Variants in DDX60L observed in about 807,000 individuals in gnomAD.
DDX60L encodes the protein probable ATP-dependent RNA helicase DDX60-like.
In DDX60L, 191 loss-of-function variants were observed where a neutral mutation model predicts 211.6. The ratio of observed to expected loss-of-function variants is 0.90; its 90% CI spans 0.80 to 1.02. The LOEUF (loss-of-function observed/expected upper bound fraction) is 1.02, where lower values mean the gene tolerates loss of function less well. Ranked by LOEUF, DDX60L falls within the 50% of genes least tolerant of loss-of-function variation. The probability of loss-of-function intolerance (pLI) is 0.00; values close to 1 mark genes in which losing one functional copy is unlikely to be tolerated. For missense variants in DDX60L, 2,007 were observed against 1,984.1 expected, an observed-to-expected ratio of 1.01 and a Z score of -0.22; for synonymous variants, 706 against 694.1, an observed-to-expected ratio of 1.02 and a Z score of -0.27.
chr4:168,461,698 C>A lies in DDX60L; in HGVS notation c.606+1G>T, dbSNP rs201671584. On this transcript the variant is annotated splice_donor_variant, in intron 5 of 37. Coordinates refer to ENST00000682922, the MANE Select transcript of DDX60L (RefSeq NM_001012967.3). LOFTEE classifies it high-confidence loss of function. ...AAAAATGAGTTATTAATGTCAATTA[C>A]CTCCTTGGAAAAAGTTTGGTTTCTG... 215 of 1,518,172 alleles carry A rather than the reference C, an allele frequency of 1.4e-4. No homozygotes were observed. In the African/African-American group the frequency reaches 2.0e-3, roughly 14 times the overall value. The allele number at this position is 1,518,172 out of a possible 1,614,324, so 94.0% of individuals were successfully genotyped here. A position where few individuals can be genotyped will look rare whatever the true frequency, so the allele number is the denominator to read the frequency against.
At chr4:168,394,708 T>C in intron 27 of DDX60L, 91 bp from the exon 28 acceptor site, 1 of 1,218,060 alleles carries the variant, frequency 8.2e-7, no homozygotes, top group Non-Finnish European at 1.1e-6. Context: ...CACAAGCAAA[T>C]CACTTACATC....
At chr4:168,362,071 C>T (rs1335707232) in intron 36 of DDX60L, among the ~76,000 whole-genome samples, 2 of 152,246 alleles carry the variant, frequency 1.3e-5, no homozygotes, top group Non-Finnish European at 1.5e-5. Flanking sequence ...CAGGCCACTG[C>T]ACCAGTGCAT....
chr4:168,414,138 C>G (rs1259312468), intron 22 of DDX60L, among the ~76,000 whole-genome samples: 1 of 151,966 alleles, frequency 6.6e-6, no homozygotes, highest in Non-Finnish European at 1.5e-5. Flanking sequence ...GTGAAAATAT[C>G]CTTCAGACAT....
intron 25 of DDX60L, among the ~76,000 whole-genome samples, chr4:168,402,646 A>T (rs1747034812): frequency 6.6e-6 from 1 of 152,188 alleles, no homozygotes; most frequent in African/African-American, 2.4e-5. Context: ...ATTTGACCCA[A>T]AGTATGCGCT....
At position 168,361,335 on chromosome 4, in the gene DDX60L, G is replaced by T. The variant is rs570084097; in HGVS notation, c.4929-124C>A. ...ATCTGCCAAATGCACTCCCAGTTAA[G>T]CATTCTATTGTATTAATCATAATGA... On this transcript the variant is annotated intron_variant, in intron 36 of 37. Transcript: ENST00000682922. The T allele has an allele frequency of 7.8e-5, 48 of 617,254 alleles. No homozygotes were observed. In the African/African-American group the frequency reaches 8.1e-4, roughly 10 times the overall value. 38.2% of individuals were successfully genotyped at this position (617,254 alleles called of 1,614,324 possible). A position where few individuals can be genotyped will look rare whatever the true frequency, so the allele number is the denominator to read the frequency against.
chr4:168,451,702 C>T (rs1755828936), intron 8 of DDX60L, among the ~76,000 whole-genome samples: 1 of 152,196 alleles, frequency 6.6e-6, no homozygotes, highest in Non-Finnish European at 1.5e-5. Flanking sequence ...CCTTCAATCA[C>T]TTCTCATTAT....
chr4:168,422,599 C>A lies in DDX60L; in HGVS notation c.2169G>T (p.Met723Ile). ...IGPARFQLQYMGHYLIRDERK... is the reference protein window; with the variant it reads ...IGPARFQLQYIGHYLIRDERK... Reference sequence around the variant, plus strand: ...TTTCATCTCTTATCAAGTAATGGCCCATGTATTGCAGTTGAAACCGAGCTG... The same window carrying A: ...TTTCATCTCTTATCAAGTAATGGCCAATGTATTGCAGTTGAAACCGAGCTG... Residue 723 changes from methionine to isoleucine, a missense_variant, in exon 16 of 38, where the codon ATG becomes ATT. Transcript: ENST00000682922. 6.2e-7 allele frequency: 1 copy of A among 1,613,514 alleles called. No homozygotes were observed. The highest frequency in any genetic ancestry group is 8.5e-7 in the Non-Finnish European group (1 of 1,179,682).
chr4:168,427,248 C>G lies in DDX60L; in HGVS notation c.1752G>C (p.Gln584His). ...TAGAAAACAGCAGATCATCGTTTTG[C>G]TGAGCTTTGTTCTGATCTTCTTTGA... ...SFLKEDQNKA[Q>H]QNDDLLFSIE... The change falls in exon 14 of 38, where the codon CAG becomes CAC. Residue 584 changes from glutamine (Q) to histidine (H), a missense_variant. Physicochemically the swap from Gln to His is conservative, Grantham distance 24. Transcript: ENST00000682922. 1 of 1,613,794 alleles carries G rather than the reference C, an allele frequency of 6.2e-7. No homozygotes were observed. The highest frequency in any genetic ancestry group is 2.2e-5 in the East Asian group (1 of 44,846).
Position 168,457,952 on chromosome 4 carries a change from T to C in DDX60L, c.663A>G (p.Ile221Met), listed in dbSNP as rs1756817117. ...AATGAGTTGCTAATACTAAAACCCT[T>C]ATTTCTTCCAAGTGTTGTATGAGGC... is the stretch of plus-strand genomic sequence containing the variant. ...YKSLIQHLEE[I>M]RVLVLATHFE... Residue 221 changes from isoleucine (I) to methionine (M), a missense_variant, in exon 6 of 38, where the codon ATA (isoleucine) becomes ATG (methionine). By Grantham distance (10) the Ile-to-Met change is conservative. Transcript: ENST00000682922. 1 of 1,573,562 alleles carries C rather than the reference T, an allele frequency of 6.4e-7. No homozygotes were observed. Among genetic ancestry groups the C allele is most frequent in the Non-Finnish European group, 8.6e-7 (1 of 1,157,294 alleles).
intron 13 of DDX60L, 103 bp downstream of exon 13, chr4:168,430,374 CA>C: frequency 1.0e-6 from 1 of 999,632 alleles, no homozygotes; most frequent in Non-Finnish European, 1.4e-6. Context: ...AGTTAGCAAA[CA>C]TGAGAAAGAA....
At chr4:168,426,137 C>T (rs913142749) in intron 14 of DDX60L, among the ~76,000 whole-genome samples, 4 of 152,168 alleles carry the variant, frequency 2.6e-5, no homozygotes, top group African/African-American at 9.7e-5. Context: ...GCATCTATTC[C>T]CCCATAGCTA....
At position 168,472,678 on chromosome 4, in the gene DDX60L, T is replaced by C. The variant is rs772895578; in HGVS notation, c.4+18A>G. The C allele has an allele frequency of 1.9e-6, 3 of 1,613,308 alleles. No individual in the cohort carries two copies. The highest frequency in any genetic ancestry group is 2.5e-6 in the Non-Finnish European group (3 of 1,179,532). On this transcript the variant is annotated intron_variant, in intron 2 of 37. Coordinates refer to ENST00000682922, the MANE Select transcript of DDX60L (RefSeq NM_001012967.3). Reference sequence around the variant, plus strand: ...ATTGTTGCTTTATAGGCTACAAATATCAAAGATTGAGAATTACCCATCGTT... The same window carrying C: ...ATTGTTGCTTTATAGGCTACAAATACCAAAGATTGAGAATTACCCATCGTT...
chr4:168,373,013 A>T (rs949294682), intron 35 of DDX60L, among the ~76,000 whole-genome samples: 3 of 152,184 alleles, frequency 2.0e-5, no homozygotes, highest in Admixed American at 1.3e-4. Context: ...TTTGGTTAAC[A>T]AAATTTTTAG....
intron 4 of DDX60L, among the ~76,000 whole-genome samples, chr4:168,465,197 A>G (rs1391664762): frequency 6.6e-6 from 1 of 151,722 alleles, no homozygotes; most frequent in Non-Finnish European, 1.5e-5. Flanking sequence ...TAATGGGGTG[A>G]GATGCTATCT....
At chr4:168,478,960 G>A (rs1381414065) in intron 1 of DDX60L, among the ~76,000 whole-genome samples, 3 of 152,166 alleles carry the variant, frequency 2.0e-5, no homozygotes, top group African/African-American at 7.2e-5. Context: ...AGCATACCAT[G>A]GGGTATCATA....
intron 4 of DDX60L, chr4:168,469,102 C>G (rs1758396797): frequency 6.6e-6 from 1 of 152,110 alleles, no homozygotes; most frequent in African/African-American, 2.4e-5. Flanking sequence ...TGTGGAAATG[C>G]AGAGAACCTA....
chr4:168,411,433 T>C (rs968897419), intron 22 of DDX60L, among the ~76,000 whole-genome samples: 4 of 152,192 alleles, frequency 2.6e-5, no homozygotes, highest in African/African-American at 9.7e-5. Flanking sequence ...GCATGGTGAC[T>C]GGGACTTTGC....
At chr4:168,363,810 G>A (rs1349784136) in intron 36 of DDX60L, among the ~76,000 whole-genome samples, 1 of 152,032 alleles carries the variant, frequency 6.6e-6, no homozygotes, top group Non-Finnish European at 1.5e-5. Flanking sequence ...TCTACAAAAC[G>A]ACCAGAAAAC....
Position 168,396,104 on chromosome 4 carries a change from T to C in DDX60L, c.3512A>G (p.Lys1171Arg). ...QKRITKKNPK[K>R]AEKLERKKVY... The stretch of plus-strand genomic sequence containing the variant: ...TTTTTTTCTTTCCAGTTTTTCAGCC[T>C]TCTTTGGGTTTTTTTTAGTGCTACT... Residue 1171 changes from lysine (K) to arginine (R), a missense_variant, in exon 27 of 38, where the codon AAG (lysine) becomes AGG (arginine). Physicochemically the swap from Lys to Arg is conservative, Grantham distance 26. Transcript: ENST00000682922. 1 of 1,529,176 alleles carries C rather than the reference T, an allele frequency of 6.5e-7. No homozygotes were observed. The highest frequency in any genetic ancestry group is 8.8e-7 in the Non-Finnish European group (1 of 1,135,560). 94.7% of individuals were successfully genotyped at this position (1,529,176 alleles called of 1,614,324 possible).
Sources: gnomAD v4.1 joint callset for allele counts (sites outside exome capture counted in the v4.1 genomes callset) on GRCh38, gnomAD v4.1.1 for gene constraint, MANE v1.5 for transcripts, NCBI Gene and HGNC (gene_info 2026-07-23, HGNC 2026-07-21) for gene names.